The following ATP6V1H variants were observed in gnomAD, a reference collection of about 807,000 sequenced individuals.
The protein encoded by ATP6V1H is V-type proton ATPase subunit H.
Under a neutral mutation model 71.7 loss-of-function variants are expected in ATP6V1H, and 39 were observed. That is an observed-to-expected ratio of 0.54 (90% CI 0.42 to 0.71). The LOEUF (loss-of-function observed/expected upper bound fraction) is 0.71, where lower values mean the gene tolerates loss of function less well. Among genes scored for constraint, ATP6V1H ranks in the 30% least tolerant of loss-of-function variants. ATP6V1H has a pLI of 0.00. For missense variants in ATP6V1H, 509 were observed against 594.9 expected, an observed-to-expected ratio of 0.86 and a Z score of 1.50; for synonymous variants, 192 against 199.3, an observed-to-expected ratio of 0.96 and a Z score of 0.31.
chr8:53,782,159 C>CA (rs1809167320), intron 9 of ATP6V1H, among the ~76,000 whole-genome samples: 1 of 152,102 alleles, frequency 6.6e-6, no homozygotes, highest in East Asian at 1.9e-4. Context: ...GATATTGATT[C>CA]TTCCTACCCA....
chr8:53,732,437 C>T (rs1218778742), intron 13 of ATP6V1H, among the ~76,000 whole-genome samples: 1 of 152,090 alleles, frequency 6.6e-6, no homozygotes, highest in Non-Finnish European at 1.5e-5. Flanking sequence ...GCTAACCCCT[C>T]ACAGGTGAGA....
intron 13 of ATP6V1H, among the ~76,000 whole-genome samples, chr8:53,735,144 A>C (rs956383869): frequency 7.9e-5 from 12 of 152,190 alleles, no homozygotes; most frequent in Admixed American, 2.0e-4. Context: ...CCCCCTTTGA[A>C]GATCTCCAGG....
chr8:53,769,223 A>AAAAGCACT (rs1808568350), intron 11 of ATP6V1H, among the ~76,000 whole-genome samples: 1 of 152,196 alleles, frequency 6.6e-6, no homozygotes, highest in Non-Finnish European at 1.5e-5. Flanking sequence ...CAGGACACAG[A>AAAAGCACT]AAAGCACTAG....
chr8:53,751,661 T>C (rs942208431), intron 12 of ATP6V1H, among the ~76,000 whole-genome samples: 2 of 150,130 alleles, frequency 1.3e-5, no homozygotes, highest in Non-Finnish European at 2.9e-5. Context: ...ATAATGCCAA[T>C]AAAGATAATT....
intron 9 of ATP6V1H, among the ~76,000 whole-genome samples, chr8:53,782,137 G>A (rs1297219320): frequency 1.3e-5 from 2 of 152,102 alleles, no homozygotes; most frequent in Admixed American, 6.5e-5. Context: ...TGGGCAGTAT[G>A]GCCATTTTCA....
intron 9 of ATP6V1H, among the ~76,000 whole-genome samples, chr8:53,783,289 G>T (rs1809237409): frequency 6.6e-6 from 1 of 152,176 alleles, no homozygotes; most frequent in Non-Finnish European, 1.5e-5. Flanking sequence ...ATGTGTCTAG[G>T]AATTTAACCA....
chr8:53,781,972 C>T (rs1210348024), intron 9 of ATP6V1H, among the ~76,000 whole-genome samples: 3 of 152,296 alleles, frequency 2.0e-5, no homozygotes, highest in South Asian at 2.1e-4. Context: ...AGTCAGGTAG[C>T]ATGATGCCTC....
chr8:53,837,936 G>C (rs915358328), intron 2 of ATP6V1H, among the ~76,000 whole-genome samples: 7 of 152,106 alleles, frequency 4.6e-5, no homozygotes, highest in African/African-American at 1.7e-4. Flanking sequence ...GTGAGCAAAA[G>C]GGAAGCAGCA....
intron 3 of ATP6V1H, among the ~76,000 whole-genome samples, chr8:53,830,600 T>C (rs776991875): frequency 1.4e-4 from 22 of 152,124 alleles, no homozygotes; most frequent in Non-Finnish European, 2.6e-4. Context: ...CTGTCAGAAC[T>C]CTTTTTCAGA....
At chr8:53,838,119 G>C (rs1811219663) in intron 2 of ATP6V1H, among the ~76,000 whole-genome samples, 1 of 120,348 alleles carries the variant, frequency 8.3e-6, no homozygotes, top group Non-Finnish European at 1.6e-5. Context: ...GACAACTCCT[G>C]TTACTGTCTT....
At chr8:53,724,489 G>A (rs1806735070) in intron 13 of ATP6V1H, among the ~76,000 whole-genome samples, 1 of 151,846 alleles carries the variant, frequency 6.6e-6, no homozygotes, top group Non-Finnish European at 1.5e-5. Context: ...CATATGGCCA[G>A]AAGACTGAGT....
rs574694094 is a variant in ATP6V1H, at chr8:53,810,050, G to A, written c.579+1114C>T. Among the ~76,000 whole-genome samples the A allele has an allele frequency of 2.3e-3, 350 of 152,252 alleles. 3 individuals are homozygous for A. Among genetic ancestry groups the A allele is most frequent in the African/African-American group, 7.9e-3 (329 of 41,546 alleles). The stretch of plus-strand genomic sequence containing the variant: ...CTATGGTCTTGGAACATACATACCC[G>A]TGACATTCATTCAGATTATGGGAGT... On this transcript the variant is annotated intron_variant, in intron 7 of 13. Coordinates refer to ENST00000359530, the MANE Select transcript of ATP6V1H (RefSeq NM_015941.4).
Position 53,783,271 on chromosome 8 carries a change from G to T in ATP6V1H, c.871-11104C>A, listed in dbSNP as rs1262242968. 2.2e-3 allele frequency among the ~76,000 whole-genome samples: 328 copies of T among 152,292 alleles called. 1 individual carries two copies. Among genetic ancestry groups the T allele is most frequent in the African/African-American group, 7.7e-3 (318 of 41,554 alleles). ...CAACTTCTTCCTGGTTTAGTCTTGG[G>T]AGGGTGTATGTGTCTAGGAATTTAA... On this transcript the variant is annotated intron_variant, in intron 9 of 13. Coordinates refer to ENST00000359530, the MANE Select transcript of ATP6V1H (RefSeq NM_015941.4).
chr8:53,720,040 T>A (rs537594839), intron 13 of ATP6V1H, among the ~76,000 whole-genome samples: 1 of 152,342 alleles, frequency 6.6e-6, no homozygotes, highest in South Asian at 2.1e-4. Context: ...GGAGATCTTT[T>A]GTGAATTAAT....
intron 12 of ATP6V1H, among the ~76,000 whole-genome samples, chr8:53,755,698 A>AC (rs1807996115): frequency 0.012 from 21 of 1,738 alleles, no homozygotes; most frequent in African/African-American, 0.051. Context: ...ATATATATAT[A>AC]TATATATATA....
At chr8:53,746,334 G>C (rs531693274) in intron 12 of ATP6V1H, among the ~76,000 whole-genome samples, 1 of 150,694 alleles carries the variant, frequency 6.6e-6, no homozygotes, top group Non-Finnish European at 1.5e-5. Flanking sequence ...GCAGGATTTC[G>C]GCTCACTGCA....
chr8:53,814,304 T>C (rs1485833408), intron 6 of ATP6V1H, among the ~76,000 whole-genome samples: 1 of 152,102 alleles, frequency 6.6e-6, no homozygotes, highest in African/African-American at 2.4e-5. Flanking sequence ...TACCGTTTGT[T>C]TTCCTTTATC....
intron 5 of ATP6V1H, among the ~76,000 whole-genome samples, chr8:53,815,988 G>A (rs1191920236): frequency 5.9e-5 from 9 of 152,180 alleles, no homozygotes; most frequent in African/African-American, 2.2e-4. Flanking sequence ...TAATATATTT[G>A]TCAGTTTTGT....
At chr8:53,820,774 G>C (rs1007127056) in intron 4 of ATP6V1H, among the ~76,000 whole-genome samples, 7 of 151,412 alleles carry the variant, frequency 4.6e-5, no homozygotes, top group Non-Finnish European at 1.0e-4. Flanking sequence ...CTGAGGTCAG[G>C]AGTTCTAGAC....
Sources: allele counts gnomAD v4.1 joint callset (sites outside exome capture counted in the v4.1 genomes callset), GRCh38; gene constraint gnomAD v4.1.1; transcripts MANE v1.5; gene names NCBI Gene and HGNC (gene_info 2026-07-23, HGNC 2026-07-21).